Variants in ADAM10 observed in about 807,000 individuals in gnomAD.
The protein encoded by ADAM10 is ADAM metallopeptidase domain 10.
In ADAM10, 17 loss-of-function variants were observed where a neutral mutation model predicts 90.1. That is an observed-to-expected ratio of 0.19 (90% CI 0.13 to 0.28). ADAM10 has a LOEUF of 0.28. Among genes scored for constraint, ADAM10 ranks in the 10% least tolerant of loss-of-function variants. The pLI is 1.00. For synonymous variants in ADAM10, 310 were observed against 298.6 expected (o/e 1.04, Z -0.40); for missense variants, 610 against 914.3 (o/e 0.67, Z 4.29).
At position 58,675,127 on chromosome 15, in the gene ADAM10, G is replaced by C. The variant is rs1566990154; in HGVS notation, c.484+3997C>G. 2.0e-5 allele frequency among the ~76,000 whole-genome samples: 3 copies of C among 152,230 alleles called. No individual in the cohort carries two copies. The South Asian group carries it at 6.2e-4, about 32-fold the overall frequency. On this transcript the variant is annotated intron_variant, in intron 4 of 15. Coordinates refer to ENST00000260408, the MANE Select transcript of ADAM10 (RefSeq NM_001110.4). Reference sequence around the variant, plus strand: ...GCAGGAGAATCACCTGAACCCAGAAGGCGGAGGTTGCAGTGAGCTGAGATG... The same window carrying C: ...GCAGGAGAATCACCTGAACCCAGAACGCGGAGGTTGCAGTGAGCTGAGATG...
chr15:58,657,888 GT>G (rs199921945), intron 5 of ADAM10, among the ~76,000 whole-genome samples: 69 of 141,442 alleles, frequency 4.9e-4, no homozygotes, highest in Admixed American at 1.0e-3. Flanking sequence ...TGGGGTTTGT[GT>G]TTTTTTTTTT....
chr15:58,611,666 A>G (rs1895441889), intron 12 of ADAM10, 142 bp downstream of exon 12: 3 of 751,798 alleles, frequency 4.0e-6, no homozygotes, highest in Non-Finnish European at 6.4e-6. Flanking sequence ...GCCACATAAT[A>G]TATTCATGGT....
At chr15:58,678,635 A>C (rs772631334) in intron 4 of ADAM10, among the ~76,000 whole-genome samples, 2 of 152,218 alleles carry the variant, frequency 1.3e-5, no homozygotes, top group African/African-American at 2.4e-5. Flanking sequence ...AATCCATGAT[A>C]AACGTGGACT....
chr15:58,645,478 T>C (rs955394690), intron 6 of ADAM10, among the ~76,000 whole-genome samples: 2 of 152,164 alleles, frequency 1.3e-5, no homozygotes, highest in Non-Finnish European at 2.9e-5. Flanking sequence ...CTAGCTTTTA[T>C]ACATGTTTAA....
intron 8 of ADAM10, among the ~76,000 whole-genome samples, chr15:58,637,939 A>G (rs1378410398): frequency 6.9e-6 from 1 of 145,056 alleles, no homozygotes; most frequent in Non-Finnish European, 1.5e-5. Context: ...TCCTTGTTTT[A>G]AAAAAAAAAA....
intron 4 of ADAM10, among the ~76,000 whole-genome samples, chr15:58,669,132 T>C (rs1470573778): frequency 1.3e-5 from 2 of 152,102 alleles, no homozygotes; most frequent in East Asian, 3.8e-4. Flanking sequence ...AACAAAGGGA[T>C]ACAAAAATAA....
In ADAM10 at chr15:58,726,713, G is replaced by A. The variant is rs8024402; in HGVS notation, c.56-8986C>T. On this transcript the variant is annotated intron_variant, in intron 1 of 15. Transcript: ENST00000260408. ...ATGAATAATTACATTAAAAGTAAAT[G>A]ATCCAGCTGAGTACATTAGTGTGCA... Among the ~76,000 whole-genome samples the A allele has an allele frequency of 3.0e-3, 450 of 150,966 alleles. 4 individuals are homozygous for A. Among genetic ancestry groups the A allele is most frequent in the Middle Eastern group, 0.014 (4 of 288 alleles).
At position 58,633,280 on chromosome 15, in the gene ADAM10, A is replaced by G. The variant is rs1341809278; in HGVS notation, c.1092T>C (p.Thr364=). 1 of 1,613,190 alleles carries G rather than the reference A, an allele frequency of 6.2e-7. No individual in the cohort carries two copies. The highest frequency in any genetic ancestry group is 8.5e-7 in the Non-Finnish European group (1 of 1,179,212). ...GTACATGAGACCCATAGTTCTGAAC[A>G]GTAATAATTCCAGTGTTTAAGGACT... ...KKKSLNTGII[T]VQNYGSHVPP... Residue 364 remains threonine, a synonymous_variant, in exon 9 of 16, where the codon ACT becomes ACC. Coordinates refer to ENST00000260408, the MANE Select transcript of ADAM10 (RefSeq NM_001110.4).
chr15:58,720,929 T>C (rs575417077), intron 1 of ADAM10, among the ~76,000 whole-genome samples: 50 of 152,332 alleles, frequency 3.3e-4, no homozygotes, highest in Admixed American at 9.8e-4. Flanking sequence ...AGCACAAGCT[T>C]GGCTTTGCAG....
intron 8 of ADAM10, among the ~76,000 whole-genome samples, chr15:58,633,783 GA>G (rs1233988665): frequency 6.6e-6 from 1 of 151,838 alleles, no homozygotes; most frequent in African/African-American, 2.4e-5. Flanking sequence ...TCCTCAAGAA[GA>G]TTCTGAGAAA....
At chr15:58,665,730 C>G (rs1258226100) in intron 4 of ADAM10, among the ~76,000 whole-genome samples, 1 of 152,048 alleles carries the variant, frequency 6.6e-6, no homozygotes, top group East Asian at 1.9e-4. Flanking sequence ...CTCAGTTTTA[C>G]AGTTACGTGA....
At chr15:58,661,690 T>C (rs764568789) in intron 5 of ADAM10, among the ~76,000 whole-genome samples, 1 of 152,164 alleles carries the variant, frequency 6.6e-6, no homozygotes, top group Non-Finnish European at 1.5e-5. Flanking sequence ...ATTGAAATTT[T>C]TCCTAGTATC....
At chr15:58,666,072 C>A (rs1203716933) in intron 4 of ADAM10, among the ~76,000 whole-genome samples, 1 of 151,642 alleles carries the variant, frequency 6.6e-6, no homozygotes, top group Non-Finnish European at 1.5e-5. Context: ...CACCACTTAT[C>A]TTTTCAGCAC....
intron 11 of ADAM10, among the ~76,000 whole-genome samples, chr15:58,618,564 A>G (rs1324272730): frequency 2.6e-5 from 4 of 152,238 alleles, no homozygotes; most frequent in African/African-American, 9.6e-5. Flanking sequence ...AACAATCAAC[A>G]GAGTGAAGAG....
In ADAM10 at chr15:58,597,324, A is replaced by G. The variant is rs1390797625; in HGVS notation, c.*223T>C. The G allele has an allele frequency of 1.4e-6, 2 of 1,467,476 alleles. No individual in the cohort carries two copies. The highest frequency in any genetic ancestry group is 1.8e-6 in the Non-Finnish European group (2 of 1,088,808). 90.9% of individuals were successfully genotyped at this position (1,467,476 alleles called of 1,614,324 possible). A position where few individuals can be genotyped will look rare whatever the true frequency, so the allele number is the denominator to read the frequency against. ...GCCATTAAGTTAAAAATATCTGTTC[A>G]TAAGAAAATTGGGTTCCTTTTCCAC... On this transcript the variant is annotated 3_prime_UTR_variant, in exon 16 of 16. Transcript: ENST00000260408.
At chr15:58,652,849 T>A (rs1347303574) in intron 5 of ADAM10, among the ~76,000 whole-genome samples, 3 of 152,218 alleles carry the variant, frequency 2.0e-5, no homozygotes, top group Non-Finnish European at 4.4e-5. Context: ...ATTCTTCCGA[T>A]ATACGAACAT....
chr15:58,628,605 T>C (rs1264111339), intron 9 of ADAM10, among the ~76,000 whole-genome samples: 2 of 152,056 alleles, frequency 1.3e-5, no homozygotes, highest in Non-Finnish European at 2.9e-5. Context: ...AAGTAATGCT[T>C]ATGAGACCAA....
At chr15:58,719,591 T>A (rs911998477) in intron 1 of ADAM10, among the ~76,000 whole-genome samples, 2 of 152,236 alleles carry the variant, frequency 1.3e-5, no homozygotes, top group Non-Finnish European at 2.9e-5. Flanking sequence ...GGGCATAAAC[T>A]CTGATGTCAG....
chr15:58,638,011 G>C (rs1896313969), intron 8 of ADAM10, among the ~76,000 whole-genome samples: 1 of 152,138 alleles, frequency 6.6e-6, no homozygotes. Context: ...GAAGCTGGCA[G>C]TGTTATTTCA....
Sources: gnomAD v4.1 joint callset for allele counts (sites outside exome capture counted in the v4.1 genomes callset) on GRCh38, gnomAD v4.1.1 for gene constraint, MANE v1.5 for transcripts, NCBI Gene and HGNC (gene_info 2026-07-23, HGNC 2026-07-21) for gene names.